The following ESYT2 variants were observed in gnomAD, a reference collection of about 807,000 sequenced individuals.
The protein encoded by ESYT2 is extended synaptotagmin 2.
ESYT2 carries 54 observed loss-of-function variants against 107.2 expected under a neutral mutation model. The observed-to-expected ratio is 0.50, with a 90% CI of 0.40 to 0.63. The LOEUF is 0.63. ESYT2 is among the 30% of genes least tolerant of loss of function. The pLI, the probability that ESYT2 is intolerant of heterozygous loss-of-function variation, is 0.00. For synonymous variants in ESYT2, 491 were observed against 434.1 expected (o/e 1.13, Z -1.63); for missense variants, 1,020 against 1,094.5 (o/e 0.93, Z 0.96).
chr7:158,795,989 G>A (rs34213625), intron 3 of ESYT2, among the ~76,000 whole-genome samples: 16,385 of 152,230 alleles, frequency 0.11, 916 homozygotes, highest in African/African-American at 0.13. Flanking sequence ...AGTCAGCTCT[G>A]ATGGAGAAAG....
chr7:158,829,046 G>A (rs1283211100), intron 1 of ESYT2, 43 bp downstream of exon 1: 2 of 1,563,808 alleles, frequency 1.3e-6, no homozygotes, highest in Admixed American at 1.8e-5. Context: ...GGGAGATCGG[G>A]ACTGGTGGTC....
At chr7:158,760,230 A>G (rs1293715661) in intron 11 of ESYT2, 83 bp from the exon 12 acceptor site, 23 of 1,269,078 alleles carry the variant, frequency 1.8e-5, no homozygotes, top group African/African-American at 4.4e-5. Context: ...CAAATGTTCC[A>G]TGCTGCTCAC....
At chr7:158,790,928 AAAAT>A (rs1839268073) in intron 4 of ESYT2, among the ~76,000 whole-genome samples, 1 of 152,144 alleles carries the variant, frequency 6.6e-6, no homozygotes, top group Non-Finnish European at 1.5e-5. Context: ...ACTCTGTCTC[AAAAT>A]AAATAAATGA....
intron 20 of ESYT2, 47 bp downstream of exon 20, chr7:158,737,001 G>A (rs199619490): frequency 3.5e-4 from 565 of 1,604,520 alleles, no homozygotes; most frequent in East Asian, 4.7e-4. Context: ...TTCTTAATCC[G>A]TCACTTCAAC....
intron 17 of ESYT2, among the ~76,000 whole-genome samples, chr7:158,742,918 G>A (rs1837265044): frequency 1.3e-5 from 2 of 152,132 alleles, no homozygotes; most frequent in South Asian, 4.1e-4. Context: ...TCTCTGCCGG[G>A]GCAAGGAGGC....
In ESYT2 at chr7:158,788,047, A is replaced by C. The variant is rs748880690; in HGVS notation, c.704T>G (p.Met235Arg). 4.3e-6 allele frequency: 7 copies of C among 1,614,180 alleles called. No individual in the cohort carries two copies. The highest frequency in any genetic ancestry group is 1.7e-5 in the Admixed American group (1 of 60,026). The change falls in exon 6 of 23, where the codon ATG becomes AGG. Residue 235 changes from methionine to arginine, a missense_variant. By Grantham distance (91) the Met-to-Arg change is moderately conservative. Transcript: ENST00000275418. Reference protein sequence around the residue: ...RVILEPLIGDMPLVGALSIFF... With the variant: ...RVILEPLIGDRPLVGALSIFF... ...GATAGACAAAGCTCCAACTAAGGGCATATCTCCAATCAACGGTTCCAGGAT... is the reference window on the plus strand; with the variant it reads ...GATAGACAAAGCTCCAACTAAGGGCCTATCTCCAATCAACGGTTCCAGGAT...
At chr7:158,754,110 G>A (rs927942539) in intron 13 of ESYT2, among the ~76,000 whole-genome samples, 2 of 152,138 alleles carry the variant, frequency 1.3e-5, no homozygotes, top group South Asian at 2.1e-4. Context: ...CAGGTGCCCC[G>A]TCGGGAGGCC....
At position 158,760,155 on chromosome 7, in the gene ESYT2, G is replaced by GA. The variant is rs75033398; in HGVS notation, c.1234-9dup. ...CTCGTCCAGAGTGAACCACTGAAGA[G>GA]AAAAAATGTTTACGTTCAGCAAAAG... On this transcript the variant is annotated splice_polypyrimidine_tract_variant and intron_variant, in intron 11 of 22. Transcript: ENST00000275418. 1.9e-4 allele frequency: 312 copies of GA among 1,612,192 alleles called. 4 individuals carry two copies. In the South Asian group the frequency reaches 2.2e-3, roughly 12 times the overall value.
intron 1 of ESYT2, among the ~76,000 whole-genome samples, chr7:158,825,266 C>T (rs1408434123): frequency 2.6e-5 from 4 of 152,122 alleles, no homozygotes; most frequent in Non-Finnish European, 4.4e-5. Context: ...GCCCTTCATC[C>T]TGGGCAACAG....
Position 158,794,734 on chromosome 7 carries a change from G to A in ESYT2, c.508-1008C>T, listed in dbSNP as rs965553734. Reference sequence around the variant, plus strand: ...TAAGGTTGCAGTCGGTGGTGATCACGCCACTGTACTCCAGCCTGGGTGACA... The same window carrying A: ...TAAGGTTGCAGTCGGTGGTGATCACACCACTGTACTCCAGCCTGGGTGACA... On this transcript the variant is annotated intron_variant, in intron 3 of 22. Coordinates refer to ENST00000275418, the MANE Select transcript of ESYT2 (RefSeq NM_001367773.1). Among the ~76,000 whole-genome samples the A allele has an allele frequency of 6.6e-5, 10 of 152,120 alleles. No individual in the cohort carries two copies. The East Asian group carries it at 7.7e-4, about 12-fold the overall frequency.
chr7:158,745,605 C>T (rs921189040), intron 16 of ESYT2, among the ~76,000 whole-genome samples: 4 of 152,018 alleles, frequency 2.6e-5, no homozygotes, highest in Non-Finnish European at 5.9e-5. Flanking sequence ...GGCCATAAAG[C>T]CGGTCTCAAA....
At chr7:158,821,569 C>A (rs575159086) in intron 1 of ESYT2, among the ~76,000 whole-genome samples, 3 of 152,248 alleles carry the variant, frequency 2.0e-5, no homozygotes, top group Non-Finnish European at 4.4e-5. Context: ...CCAGCCACGT[C>A]CCTGCATCCT....
At chr7:158,781,621 G>A (rs1018332614) in intron 6 of ESYT2, among the ~76,000 whole-genome samples, 12 of 79,772 alleles carry the variant, frequency 1.5e-4, no homozygotes, top group South Asian at 3.8e-4. Flanking sequence ...GTGAATGAAC[G>A]AGTGTGAGAA....
intron 6 of ESYT2, among the ~76,000 whole-genome samples, chr7:158,784,442 C>A (rs1839038601): frequency 1.3e-5 from 2 of 152,202 alleles, no homozygotes; most frequent in Admixed American, 1.3e-4. Flanking sequence ...TCCCAGTACT[C>A]TGGGAGGCCA....
intron 3 of ESYT2, among the ~76,000 whole-genome samples, chr7:158,794,366 C>T (rs1472215414): frequency 1.3e-5 from 2 of 152,296 alleles, no homozygotes; most frequent in Middle Eastern, 3.4e-3. Flanking sequence ...TGGTAGCGCA[C>T]ACCTGTGGTT....
intron 16 of ESYT2, 104 bp downstream of exon 16, chr7:158,748,090 C>T (rs548907281): frequency 1.4e-5 from 14 of 999,014 alleles, no homozygotes; most frequent in South Asian, 3.0e-5. Context: ...CTGATTCTGG[C>T]GATGGATCCC....
chr7:158,793,286 G>T (rs1315802340), intron 4 of ESYT2, among the ~76,000 whole-genome samples: 2 of 152,082 alleles, frequency 1.3e-5, no homozygotes, highest in Non-Finnish European at 2.9e-5. Context: ...AATTATCTTT[G>T]CATTCTGGGA....
In ESYT2 at chr7:158,745,299, G is replaced by A. The variant is rs112829878; in HGVS notation, c.1645-1621C>T. Reference sequence around the variant, plus strand: ...TCTAATGAGACAGGGTCGGGCAAGCGGCATGACCAGGTCTCCTAGGCCTGG... The same window carrying A: ...TCTAATGAGACAGGGTCGGGCAAGCAGCATGACCAGGTCTCCTAGGCCTGG... On this transcript the variant is annotated intron_variant, in intron 16 of 22. Coordinates refer to ENST00000275418, the MANE Select transcript of ESYT2 (RefSeq NM_001367773.1). 2.4e-3 allele frequency among the ~76,000 whole-genome samples: 343 copies of A among 141,748 alleles called. 1 individual carries two copies. Among genetic ancestry groups the A allele is most frequent in the African/African-American group, 9.2e-3 (306 of 33,350 alleles). The allele number at this position is 141,748 out of a possible 152,430, so 93.0% of individuals were successfully genotyped here.
In ESYT2 at chr7:158,741,973, C is replaced by T. The variant is rs144544090; in HGVS notation, c.1795-77G>A. 1.5e-4 allele frequency: 214 copies of T among 1,436,026 alleles called. 2 individuals are homozygous for T. In the East Asian group the frequency reaches 4.7e-3, roughly 31 times the overall value. The allele number at this position is 1,436,026 out of a possible 1,614,324, so 89.0% of individuals were successfully genotyped here. On this transcript the variant is annotated intron_variant, in intron 17 of 22. Transcript: ENST00000275418. ...CTAATACTGGAACAGCCTGGGATGTCTTTACCTGCAAAAATTTCTTTAAAA... is the reference window on the plus strand; with the variant it reads ...CTAATACTGGAACAGCCTGGGATGTTTTTACCTGCAAAAATTTCTTTAAAA...
Sources: gnomAD v4.1 joint callset for allele counts (sites outside exome capture counted in the v4.1 genomes callset) on GRCh38, gnomAD v4.1.1 for gene constraint, MANE v1.5 for transcripts, NCBI Gene and HGNC (gene_info 2026-07-23, HGNC 2026-07-21) for gene names.